Variants in SLC39A11 observed in about 807,000 individuals in gnomAD.
The protein encoded by SLC39A11 is solute carrier family 39 member 11.
SLC39A11 carries 33 observed loss-of-function variants against 36.1 expected under a neutral mutation model. The ratio of observed to expected loss-of-function variants is 0.91; its 90% CI spans 0.69 to 1.22. The LOEUF is 1.22. Among genes scored for constraint, SLC39A11 ranks in the 50% most tolerant of loss-of-function variants. The pLI is 0.00. For missense variants in SLC39A11, 432 were observed against 430.3 expected, an observed-to-expected ratio of 1.00 and a Z score of -0.03; for synonymous variants, 166 against 170.3, an observed-to-expected ratio of 0.97 and a Z score of 0.20.
At chr17:72,659,313 A>G (rs974395809) in intron 7 of SLC39A11, among the ~76,000 whole-genome samples, 1 of 152,234 alleles carries the variant, frequency 6.6e-6, no homozygotes, top group Admixed American at 6.5e-5. Context: ...TGGCGGAGAC[A>G]GATGATCCAG....
At chr17:73,001,244 A>C (rs1448681902) in intron 4 of SLC39A11, among the ~76,000 whole-genome samples, 1 of 127,124 alleles carries the variant, frequency 7.9e-6, no homozygotes, top group African/African-American at 2.7e-5. Flanking sequence ...ACCCTAGCTA[A>C]CAATTTTATT....
At chr17:72,998,833 C>T (rs1384930471) in intron 4 of SLC39A11, among the ~76,000 whole-genome samples, 1 of 152,186 alleles carries the variant, frequency 6.6e-6, no homozygotes, top group Non-Finnish European at 1.5e-5. Flanking sequence ...AGCCAGACAG[C>T]AGAGGAGTCC....
At chr17:72,694,684 C>T (rs148091546) in intron 7 of SLC39A11, among the ~76,000 whole-genome samples, 63 of 152,328 alleles carry the variant, frequency 4.1e-4, no homozygotes, top group African/African-American at 1.5e-3. Context: ...ACCTTGTGGG[C>T]AGGGTGGGGT....
intron 3 of SLC39A11, among the ~76,000 whole-genome samples, chr17:73,061,865 C>G (rs1398218222): frequency 6.6e-6 from 1 of 151,884 alleles, no homozygotes; most frequent in Non-Finnish European, 1.5e-5. Context: ...GTGTAGTGGC[C>G]CAAGCCTGTG....
chr17:72,827,798 T>C (rs937697150), intron 6 of SLC39A11, among the ~76,000 whole-genome samples: 8 of 152,182 alleles, frequency 5.3e-5, no homozygotes. Context: ...AAGACTATCT[T>C]CCATGATGAT....
At chr17:72,773,104 GA>G (rs2076008452) in intron 6 of SLC39A11, among the ~76,000 whole-genome samples, 1 of 152,056 alleles carries the variant, frequency 6.6e-6, no homozygotes, top group Non-Finnish European at 1.5e-5. Context: ...AAAAAAGAAA[GA>G]AAGAAAGAAA....
intron 4 of SLC39A11, 25 bp downstream of exon 4, chr17:73,031,531 C>T: frequency 6.2e-7 from 1 of 1,613,370 alleles, no homozygotes; most frequent in Non-Finnish European, 8.5e-7. Context: ...CCCGATACGA[C>T]AGCTAAAAGT....
intron 5 of SLC39A11, among the ~76,000 whole-genome samples, chr17:72,894,236 C>CCTGTAATCCCAG (rs200371000): frequency 0.087 from 13,198 of 151,328 alleles, 819 homozygotes; most frequent in African/African-American, 0.17. Context: ...GTGGCGCATG[C>CCTGTAATCCCAG]CTGTAATCCC....
chr17:72,992,044 C>A (rs535964245), intron 4 of SLC39A11, among the ~76,000 whole-genome samples: 1 of 152,034 alleles, frequency 6.6e-6, no homozygotes, highest in Non-Finnish European at 1.5e-5. Context: ...TGGTCAAATA[C>A]AAAAGGTGAG....
intron 6 of SLC39A11, among the ~76,000 whole-genome samples, chr17:72,830,821 A>G (rs1183518185): frequency 1.3e-5 from 2 of 151,944 alleles, no homozygotes; most frequent in Non-Finnish European, 2.9e-5. Flanking sequence ...CCACCTCTCC[A>G]CACTCAACCC....
intron 7 of SLC39A11, among the ~76,000 whole-genome samples, chr17:72,695,705 G>A (rs965322482): frequency 2.0e-5 from 3 of 152,126 alleles, no homozygotes; most frequent in Non-Finnish European, 2.9e-5. Flanking sequence ...ATTCAATGAC[G>A]AGTGTCCTTA....
intron 6 of SLC39A11, among the ~76,000 whole-genome samples, chr17:72,795,185 A>C (rs1371504154): frequency 6.6e-6 from 1 of 152,092 alleles, no homozygotes; most frequent in African/African-American, 2.4e-5. Flanking sequence ...TGAGACTCAG[A>C]ATCCAGGAGG....
chr17:72,854,884 T>C (rs1177370455), intron 5 of SLC39A11, among the ~76,000 whole-genome samples: 5 of 152,180 alleles, frequency 3.3e-5, no homozygotes, highest in African/African-American at 1.2e-4. Flanking sequence ...ATGCATCCGC[T>C]TCCCTGATTT....
chr17:73,081,806 G>A (rs2060545875), intron 3 of SLC39A11, among the ~76,000 whole-genome samples: 1 of 106,544 alleles, frequency 9.4e-6, no homozygotes, highest in Non-Finnish European at 2.1e-5. Flanking sequence ...CCATAAAAAG[G>A]AATGAAATAA....
intron 5 of SLC39A11, among the ~76,000 whole-genome samples, chr17:72,939,084 T>G (rs1307967526): frequency 6.6e-6 from 1 of 151,862 alleles, no homozygotes; most frequent in Non-Finnish European, 1.5e-5. Flanking sequence ...GGTCACGGAG[T>G]GATCAGAGTA....
intron 4 of SLC39A11, among the ~76,000 whole-genome samples, chr17:73,025,096 G>C (rs893445017): frequency 6.6e-6 from 1 of 152,046 alleles, no homozygotes. Flanking sequence ...CCATCACAAT[G>C]AGAACTAAAA....
At chr17:72,868,618 CAAAAAAAAAAAAAAAAAAAAAAAA>C (rs71354894) in intron 5 of SLC39A11, among the ~76,000 whole-genome samples, 1 of 56,462 alleles carries the variant, frequency 1.8e-5, no homozygotes, top group Non-Finnish European at 3.1e-5. Context: ...CCTGTCTCTA[CAAAAAAAAAAAAAAAAAAAAAAAA>C]AAAAAAAGAA....
At chr17:72,952,111 G>C (rs954700417) in intron 4 of SLC39A11, among the ~76,000 whole-genome samples, 1 of 152,082 alleles carries the variant, frequency 6.6e-6, no homozygotes, top group African/African-American at 2.4e-5. Flanking sequence ...TTAGCCTTCA[G>C]AACAACCAGG....
chr17:73,090,338 C>T (rs2060883756), intron 1 of SLC39A11, among the ~76,000 whole-genome samples: 1 of 152,320 alleles, frequency 6.6e-6, no homozygotes, highest in African/African-American at 2.4e-5. Flanking sequence ...GAATCAGACT[C>T]TAGTTCCCGC....
Sources: gnomAD v4.1 joint callset for allele counts (sites outside exome capture counted in the v4.1 genomes callset) on GRCh38, gnomAD v4.1.1 for gene constraint, MANE v1.5 for transcripts, NCBI Gene and HGNC (gene_info 2026-07-23, HGNC 2026-07-21) for gene names.